The following RAB11FIP4 variants were observed in gnomAD, a reference collection of about 807,000 sequenced individuals.
RAB11FIP4 encodes the protein rab11 family-interacting protein 4.
A neutral mutation model predicts 74.3 loss-of-function variants in RAB11FIP4; 23 were observed. The ratio of observed to expected loss-of-function variants is 0.31; its 90% CI spans 0.22 to 0.44. The LOEUF is 0.44. Ranked by LOEUF, RAB11FIP4 falls within the 20% of genes least tolerant of loss-of-function variation. RAB11FIP4 has a pLI of 1.00. For missense variants in RAB11FIP4, 630 were observed against 863.9 expected, an observed-to-expected ratio of 0.73 and a Z score of 3.39; for synonymous variants, 360 against 359.9, an observed-to-expected ratio of 1.00 and a Z score of 0.00.
intron 3 of RAB11FIP4, among the ~76,000 whole-genome samples, chr17:31,514,252 G>T (rs1018642852): frequency 3.9e-5 from 6 of 152,246 alleles, no homozygotes; most frequent in African/African-American, 1.4e-4. Flanking sequence ...AGGGCCCGGT[G>T]GTTCCACCTG....
chr17:31,478,133 T>C (rs1210507132), intron 3 of RAB11FIP4, among the ~76,000 whole-genome samples: 1 of 151,680 alleles, frequency 6.6e-6, no homozygotes, highest in Admixed American at 6.6e-5. Context: ...GCTGGGATTA[T>C]AGGCGACCAC....
chr17:31,496,415 GTT>G (rs1567676668), intron 3 of RAB11FIP4, among the ~76,000 whole-genome samples: 1 of 152,202 alleles, frequency 6.6e-6, no homozygotes, highest in Non-Finnish European at 1.5e-5. Context: ...TTCCATCTGG[GTT>G]AAGAGGGAAA....
intron 1 of RAB11FIP4, among the ~76,000 whole-genome samples, chr17:31,428,740 G>A (rs887240938): frequency 1.3e-5 from 2 of 152,124 alleles, no homozygotes; most frequent in African/African-American, 4.8e-5. Context: ...TATGGGTGCT[G>A]TGGGAGGGCT....
Position 31,530,462 on chromosome 17 carries a change from G to A in RAB11FIP4, c.1790G>A (p.Arg597His), listed in dbSNP as rs147400342. The change falls in exon 14 of 15, where the codon CGC becomes CAC. Residue 597 changes from arginine (R) to histidine (H), a missense_variant. By Grantham distance (29) the Arg-to-His change is conservative. Transcript: ENST00000621161. Reference sequence around the variant, plus strand: ...GCTGCGGAGATAGACACCGCCTCGCGCGATGAGGTAACCACACCACCGGCT... The same window carrying A: ...GCTGCGGAGATAGACACCGCCTCGCACGATGAGGTAACCACACCACCGGCT... ...SLAAEIDTAS[R>H]DELMEALKEQ... The A allele has an allele frequency of 1.9e-5, 31 of 1,613,240 alleles. No individual in the cohort carries two copies. Among genetic ancestry groups the A allele is most frequent in the African/African-American group, 2.7e-5 (2 of 74,908 alleles).
intron 1 of RAB11FIP4, among the ~76,000 whole-genome samples, chr17:31,417,795 C>A (rs1416513243): frequency 2.6e-5 from 4 of 152,160 alleles, no homozygotes; most frequent in Non-Finnish European, 5.9e-5. Flanking sequence ...ATTGCCAGAT[C>A]TGATTTTTCA....
chr17:31,528,803 A>T, intron 13 of RAB11FIP4, 25 bp downstream of exon 13: 2 of 1,592,914 alleles, frequency 1.3e-6, no homozygotes, highest in South Asian at 1.1e-5. Context: ...CTCTGTGTCC[A>T]GTGGGGCAGG....
intron 1 of RAB11FIP4, among the ~76,000 whole-genome samples, chr17:31,397,279 G>A (rs2070939961): frequency 6.6e-6 from 1 of 152,194 alleles, no homozygotes; most frequent in Non-Finnish European, 1.5e-5. Flanking sequence ...GTGTATGAGA[G>A]AACAGGGGAT....
chr17:31,478,841 T>G (rs1457318481), intron 3 of RAB11FIP4, among the ~76,000 whole-genome samples: 1 of 152,212 alleles, frequency 6.6e-6, no homozygotes, highest in Admixed American at 6.5e-5. Flanking sequence ...TGCCACTGAC[T>G]GAGACACTGC....
At chr17:31,524,366 G>A (rs1021470600) in intron 9 of RAB11FIP4, 3 of 248,290 alleles carry the variant, frequency 1.2e-5, no homozygotes, top group South Asian at 5.6e-5. Flanking sequence ...TGAGCTGGGC[G>A]GTGGGAAGGG....
chr17:31,473,072 C>T lies in RAB11FIP4; in HGVS notation c.336+38950C>T, dbSNP rs752248321. Among the ~76,000 whole-genome samples, 5 of 151,638 alleles carry T rather than the reference C, an allele frequency of 3.3e-5. No homozygotes were observed. The South Asian group carries it at 6.3e-4, about 19-fold the overall frequency. On this transcript the variant is annotated intron_variant, in intron 3 of 14. Transcript: ENST00000621161. Reference sequence around the variant, plus strand: ...AAAAAAGAAGTGAGGGATGGAGGCACGTGAGGTGGGGGAGTGGGAAAGAGC... The same window carrying T: ...AAAAAAGAAGTGAGGGATGGAGGCATGTGAGGTGGGGGAGTGGGAAAGAGC...
intron 1 of RAB11FIP4, among the ~76,000 whole-genome samples, chr17:31,410,954 G>C (rs534915729): frequency 2.6e-5 from 4 of 152,166 alleles, no homozygotes; most frequent in Non-Finnish European, 5.9e-5. Flanking sequence ...TGGTGAACAG[G>C]CTCTGCAGAT....
At chr17:31,478,806 C>A (rs1229108527) in intron 3 of RAB11FIP4, among the ~76,000 whole-genome samples, 1 of 152,182 alleles carries the variant, frequency 6.6e-6, no homozygotes, top group African/African-American at 2.4e-5. Flanking sequence ...GTGCATGTGG[C>A]AAATCATAGA....
Position 31,521,869 on chromosome 17 carries a change from G to A in RAB11FIP4, c.759-46G>A, listed in dbSNP as rs369529780. ...CTCAGCAGGGTGGTGTAGGGCACCA[G>A]ACTGGACAGCAGTTAAGGTGGTGAT... is the stretch of plus-strand genomic sequence containing the variant. On this transcript the variant is annotated intron_variant, in intron 5 of 14. Transcript: ENST00000621161. 53 of 1,611,980 alleles carry A rather than the reference G, an allele frequency of 3.3e-5. No homozygotes were observed. The African/African-American group carries it at 5.7e-4, about 17-fold the overall frequency.
chr17:31,470,062 C>A lies in RAB11FIP4; in HGVS notation c.336+35940C>A, dbSNP rs983917705. 4.6e-5 allele frequency among the ~76,000 whole-genome samples: 7 copies of A among 152,356 alleles called. No individual in the cohort carries two copies. In the East Asian group the frequency reaches 1.2e-3, roughly 25 times the overall value. On this transcript the variant is annotated intron_variant, in intron 3 of 14. Transcript: ENST00000621161. ...CCTGCAGACTCATGTGACCTCATGACCTTCTCAGAGGCCACACAGTCTAAT... is the reference window on the plus strand; with the variant it reads ...CCTGCAGACTCATGTGACCTCATGAACTTCTCAGAGGCCACACAGTCTAAT...
At chr17:31,495,773 G>C (rs2072105139) in intron 3 of RAB11FIP4, among the ~76,000 whole-genome samples, 2 of 152,298 alleles carry the variant, frequency 1.3e-5, no homozygotes, top group Middle Eastern at 6.8e-3. Flanking sequence ...CTGCACGATT[G>C]CATCAGTTAT....
At chr17:31,488,134 G>T (rs2071933550) in intron 3 of RAB11FIP4, 2 of 1,040,196 alleles carry the variant, frequency 1.9e-6, no homozygotes, top group East Asian at 7.8e-5. Flanking sequence ...GCGAGCGGCA[G>T]CGGCGCGGCC....
intron 1 of RAB11FIP4, among the ~76,000 whole-genome samples, chr17:31,419,757 A>C (rs1295032205): frequency 1.3e-5 from 2 of 151,944 alleles, no homozygotes; most frequent in East Asian, 3.9e-4. Flanking sequence ...TCACTGTGTT[A>C]GCCAGGATGG....
intron 3 of RAB11FIP4, among the ~76,000 whole-genome samples, chr17:31,456,718 T>C (rs1313363781): frequency 6.6e-6 from 1 of 152,100 alleles, no homozygotes; most frequent in Non-Finnish European, 1.5e-5. Flanking sequence ...TTCTCTATGG[T>C]TTATTTTTAT....
chr17:31,512,029 C>G lies in RAB11FIP4; in HGVS notation c.337-5622C>G, dbSNP rs1032756919. ...CCCTGCCAGAGTGGCTGGCTGGATCCTGTTCTCCAGCTCTCTCCAGAATGC... is the reference window on the plus strand; with the variant it reads ...CCCTGCCAGAGTGGCTGGCTGGATCGTGTTCTCCAGCTCTCTCCAGAATGC... On this transcript the variant is annotated intron_variant, in intron 3 of 14. Transcript: ENST00000621161. This position sits in a 1 kb window ranked among gnomAD's most constrained non-coding sequence, Gnocchi z 4.1. Among the ~76,000 whole-genome samples, 7 of 152,152 alleles carry G rather than the reference C, an allele frequency of 4.6e-5. No individual in the cohort carries two copies. The highest frequency in any genetic ancestry group is 8.8e-5 in the Non-Finnish European group (6 of 68,004).
Sources: allele counts gnomAD v4.1 joint callset (sites outside exome capture counted in the v4.1 genomes callset), GRCh38; gene constraint gnomAD v4.1.1; non-coding constraint Gnocchi (gnomAD v3.1); transcripts MANE v1.5; gene names NCBI Gene and HGNC (gene_info 2026-07-23, HGNC 2026-07-21).